Variants in TSFM observed in about 807,000 individuals in gnomAD.
The protein encoded by TSFM is elongation factor Ts, mitochondrial.
TSFM carries 29 observed loss-of-function variants against 33.4 expected under a neutral mutation model. The ratio of observed to expected loss-of-function variants is 0.87; its 90% confidence interval spans 0.65 to 1.18. The LOEUF (loss-of-function observed/expected upper bound fraction) is 1.18. TSFM is among the 50% of genes most tolerant of loss of function. The probability of loss-of-function intolerance (pLI) is 0.00; values close to 1 mark genes in which losing one functional copy is unlikely to be tolerated. For missense variants in TSFM, 394 were observed against 395.6 expected (o/e 1.00, Z 0.04); for synonymous variants, 178 against 163.5 (o/e 1.09, Z -0.68).
chr12:57,795,173 G>T (rs1474971077), intron 5 of TSFM, among the ~76,000 whole-genome samples: 4 of 150,350 alleles, frequency 2.7e-5, no homozygotes, highest in African/African-American at 9.8e-5. Flanking sequence ...GATCTCGCTC[G>T]CTGTAACCTC....
chr12:57,792,949 C>T (rs371323959), intron 4 of TSFM, 37 bp from the exon 5 acceptor site: 8 of 1,584,746 alleles, frequency 5.0e-6, no homozygotes, highest in African/African-American at 1.3e-5. Context: ...TTGAATAGTA[C>T]AGAATCAGTT....
At chr12:57,786,454 GT>G (rs1325020392) in intron 3 of TSFM, among the ~76,000 whole-genome samples, 163 bp downstream of exon 3, 1 of 152,208 alleles carries the variant, frequency 6.6e-6, no homozygotes. Context: ...TTACGAATTC[GT>G]TTAAGTATAG....
At chr12:57,784,110 A>G in intron 2 of TSFM, 1 of 702,700 alleles carries the variant, frequency 1.4e-6, no homozygotes, top group Non-Finnish European at 2.6e-6. Flanking sequence ...AGCTGCTCCT[A>G]GGCTACAAAC....
downstream of TSFM, among the ~76,000 whole-genome samples, chr12:57,801,662 C>T (rs756375347): frequency 1.3e-5 from 2 of 152,074 alleles, no homozygotes; most frequent in Non-Finnish European, 2.9e-5. Flanking sequence ...ATTGCTTGAA[C>T]CCAGGAGGTA....
chr12:57,788,267 C>CT (rs56048814), intron 4 of TSFM, among the ~76,000 whole-genome samples: 40,924 of 146,846 alleles, frequency 0.28, 6,771 homozygotes, highest in East Asian at 0.65. Flanking sequence ...CCAGTGTACC[C>CT]TTTTTTTTTT....
intron 5 of TSFM, among the ~76,000 whole-genome samples, chr12:57,795,703 T>C (rs1955727159): frequency 6.6e-6 from 1 of 151,990 alleles, no homozygotes; most frequent in African/African-American, 2.4e-5. Context: ...CAACCTCCGC[T>C]TCCTGGGTTC....
chr12:57,786,765 C>T (rs1225445784), intron 3 of TSFM, among the ~76,000 whole-genome samples: 1 of 152,146 alleles, frequency 6.6e-6, no homozygotes, highest in East Asian at 1.9e-4. Context: ...GGTGTGCAGA[C>T]ATAGGTAAGT....
chr12:57,783,925 C>T lies in TSFM; in HGVS notation c.231+642C>T, dbSNP rs567759899. ...GCCACCGCGCCCGGCTGACTTTAGA[C>T]ATCTTAATCTTTCAGAGTTGTGTAG... is the stretch of plus-strand genomic sequence containing the variant. On this transcript the variant is annotated intron_variant, in intron 2 of 5. Transcript: ENST00000652027. 8.0e-4 allele frequency: 559 copies of T among 702,600 alleles called. 11 individuals are homozygous for T. In the South Asian group the frequency reaches 8.2e-3, roughly 10 times the overall value. 43.5% of individuals were successfully genotyped at this position (702,600 alleles called of 1,614,324 possible).
chr12:57,786,387 C>G, intron 3 of TSFM, 96 bp downstream of exon 3: 1 of 1,402,306 alleles, frequency 7.1e-7, no homozygotes, highest in South Asian at 1.6e-5. Context: ...AAGAAGAGAT[C>G]TGTTTAAGAA....
chr12:57,783,752 C>A (rs1955548482), intron 2 of TSFM: 3 of 577,654 alleles, frequency 5.2e-6, no homozygotes, highest in Non-Finnish European at 9.1e-6. Context: ...CGCCACGACA[C>A]CCGGCTATTT....
chr12:57,801,074 T>C, downstream of TSFM: 4 of 1,311,888 alleles, frequency 3.0e-6, no homozygotes, highest in Non-Finnish European at 4.4e-6. Flanking sequence ...TGAGCATCTG[T>C]AGCATTTGTG....
downstream of TSFM, chr12:57,801,429 C>G: frequency 2.5e-6 from 1 of 402,434 alleles, no homozygotes; most frequent in Non-Finnish European, 4.6e-6. Flanking sequence ...CTCAGTCCTC[C>G]CAATAAGATT....
At chr12:57,798,004 G>C (rs1349345177), downstream of TSFM, 2 of 1,583,934 alleles carry the variant, frequency 1.3e-6, no homozygotes, top group Non-Finnish European at 1.7e-6. Context: ...TTCTAAGAGA[G>C]AAAACAAAGT....
intron 2 of TSFM, among the ~76,000 whole-genome samples, chr12:57,785,678 A>C (rs1375476938): frequency 6.6e-6 from 1 of 152,210 alleles, no homozygotes; most frequent in African/African-American, 2.4e-5. Context: ...GTTGTTCATT[A>C]TTGTTTCAAG....
At chr12:57,785,174 C>T (rs1429086101) in intron 2 of TSFM, among the ~76,000 whole-genome samples, 1 of 152,120 alleles carries the variant, frequency 6.6e-6, no homozygotes, top group Non-Finnish European at 1.5e-5. Flanking sequence ...GATCCGCCCA[C>T]CTCAGCCTCC....
chr12:57,789,842 A>G (rs1955639304), intron 4 of TSFM, among the ~76,000 whole-genome samples: 1 of 152,210 alleles, frequency 6.6e-6, no homozygotes, highest in Admixed American at 6.5e-5. Context: ...GATCAATGCA[A>G]GCTGACTGTA....
intron 4 of TSFM, among the ~76,000 whole-genome samples, chr12:57,788,956 A>G (rs1015185037): frequency 1.4e-5 from 2 of 143,728 alleles, no homozygotes. Flanking sequence ...TATACATGTT[A>G]TCATCGCCCT....
chr12:57,800,185 G>T, downstream of TSFM: 1 of 348,478 alleles, frequency 2.9e-6, no homozygotes, highest in Non-Finnish European at 5.3e-6. Flanking sequence ...TACATCTTGT[G>T]TCTGGATCTC....
intron 4 of TSFM, 64 bp from the exon 5 acceptor site, chr12:57,792,922 C>T: frequency 1.3e-6 from 2 of 1,499,686 alleles, no homozygotes; most frequent in African/African-American, 1.4e-5. Context: ...ACTATTTTTG[C>T]CTATTCTTTT....
Sources: gnomAD v4.1 joint callset for allele counts (sites outside exome capture counted in the v4.1 genomes callset) on GRCh38, gnomAD v4.1.1 for gene constraint, MANE v1.5 for transcripts, NCBI Gene and HGNC (gene_info 2026-07-23, HGNC 2026-07-21) for gene names.